The following KLHL1 variants were observed in gnomAD, a reference collection of about 807,000 sequenced individuals.
KLHL1 encodes kelch like family member 1.
A neutral mutation model predicts 77.7 loss-of-function variants in KLHL1; 47 were observed. The observed-to-expected ratio is 0.60, with a 90% confidence interval of 0.48 to 0.77. KLHL1 has a LOEUF of 0.77. Ranked by LOEUF, KLHL1 falls within the 30% of genes least tolerant of loss-of-function variation. The pLI is 0.00. For missense variants in KLHL1, 925 were observed against 910.8 expected (o/e 1.02, Z -0.20); for synonymous variants, 360 against 325.2 (o/e 1.11, Z -1.15).
intron 8 of KLHL1, among the ~76,000 whole-genome samples, chr13:69,729,555 CA>C (rs946045417): frequency 6.6e-6 from 1 of 151,698 alleles, no homozygotes; most frequent in African/African-American, 2.4e-5. Context: ...AAAAAACAAA[CA>C]AAAAAATGTA....
In KLHL1 at chr13:69,781,305, T is replaced by G. The variant is rs933996049; in HGVS notation, c.1639+15433A>C. ...TCTTTCTTTTTTTTTTTTTTTTTTT[T>G]GTCAAATATCAAGTTCATGAGAAGG... is the stretch of plus-strand genomic sequence containing the variant. On this transcript the variant is annotated intron_variant, in intron 7 of 10. Transcript: ENST00000377844. Among the ~76,000 whole-genome samples the G allele has an allele frequency of 2.8e-4, 33 of 119,794 alleles. No individual in the cohort carries two copies. The South Asian group carries it at 7.9e-3, about 29-fold the overall frequency. 78.6% of individuals were successfully genotyped at this position (119,794 alleles called of 152,430 possible). A position where few individuals can be genotyped will look rare whatever the true frequency, so the allele number is the denominator to read the frequency against.
chr13:69,745,167 T>C (rs992997566), intron 7 of KLHL1, among the ~76,000 whole-genome samples: 3 of 151,998 alleles, frequency 2.0e-5, no homozygotes, highest in Non-Finnish European at 4.4e-5. Context: ...TGAGTAATGG[T>C]ATCCCATCAT....
intron 5 of KLHL1, among the ~76,000 whole-genome samples, chr13:69,864,515 T>G (rs1880295041): frequency 6.6e-6 from 1 of 152,060 alleles, no homozygotes; most frequent in African/African-American, 2.4e-5. Context: ...TGCTGTGAAT[T>G]AAGTTGTGTT....
At chr13:69,904,083 T>G (rs1406872021) in intron 4 of KLHL1, among the ~76,000 whole-genome samples, 1 of 152,022 alleles carries the variant, frequency 6.6e-6, no homozygotes, top group Non-Finnish European at 1.5e-5. Context: ...ACCAGAGAGA[T>G]TTTCATTTTT....
intron 1 of KLHL1, among the ~76,000 whole-genome samples, chr13:70,014,147 T>C (rs2137342395): frequency 6.6e-6 from 1 of 152,200 alleles, no homozygotes; most frequent in Admixed American, 6.5e-5. Context: ...GGTACTTATG[T>C]GGAGTAACAA....
In KLHL1 at chr13:69,976,431, G is replaced by T. The variant is rs112806952; in HGVS notation, c.498-629C>A. 7.1e-3 allele frequency among the ~76,000 whole-genome samples: 1,078 copies of T among 151,902 alleles called. 16 individuals are homozygous for T. Among genetic ancestry groups the T allele is most frequent in the African/African-American group, 0.025 (1,041 of 41,458 alleles). On this transcript the variant is annotated intron_variant, in intron 1 of 10. Transcript: ENST00000377844. Reference sequence around the variant, plus strand: ...TATTTTAATAAACTTTATGATTTTGGAAAGTCCATGATACTTAAGTTTTGT... The same window carrying T: ...TATTTTAATAAACTTTATGATTTTGTAAAGTCCATGATACTTAAGTTTTGT...
intron 1 of KLHL1, among the ~76,000 whole-genome samples, chr13:70,037,933 A>C (rs1252527665): frequency 2.6e-5 from 4 of 152,070 alleles, no homozygotes; most frequent in African/African-American, 4.8e-5. Context: ...TATACATTTT[A>C]TATATTTGGT....
intron 8 of KLHL1, among the ~76,000 whole-genome samples, chr13:69,736,281 G>A (rs1444408946): frequency 6.6e-6 from 1 of 152,054 alleles, no homozygotes; most frequent in Non-Finnish European, 1.5e-5. Flanking sequence ...ACAAACATAT[G>A]AAAAAATTCT....
chr13:70,094,822 C>A (rs1197083052), intron 1 of KLHL1, among the ~76,000 whole-genome samples: 5 of 152,166 alleles, frequency 3.3e-5, no homozygotes, highest in Non-Finnish European at 5.9e-5. Context: ...TTCTAACTAC[C>A]TGTGTTTCCT....
chr13:70,050,333 A>G (rs1041697811), intron 1 of KLHL1, among the ~76,000 whole-genome samples: 2 of 151,890 alleles, frequency 1.3e-5, no homozygotes, highest in Non-Finnish European at 2.9e-5. Context: ...CTACCTTTGT[A>G]TTAAACATTT....
At chr13:70,052,843 G>A (rs1191404548) in intron 1 of KLHL1, among the ~76,000 whole-genome samples, 1 of 151,858 alleles carries the variant, frequency 6.6e-6, no homozygotes, top group South Asian at 2.1e-4. Flanking sequence ...AATATAAGAA[G>A]ATAAATTAGA....
intron 6 of KLHL1, among the ~76,000 whole-genome samples, chr13:69,838,357 G>A (rs1006398601): frequency 1.6e-4 from 25 of 151,642 alleles, no homozygotes; most frequent in African/African-American, 5.8e-4. Context: ...ACTTATTCAG[G>A]AAAATTAAGA....
At chr13:69,883,691 A>G (rs1006310062) in intron 4 of KLHL1, among the ~76,000 whole-genome samples, 8 of 152,252 alleles carry the variant, frequency 5.3e-5, no homozygotes, top group Non-Finnish European at 1.2e-4. Flanking sequence ...GAATACATGA[A>G]TTGATAATCT....
intron 8 of KLHL1, among the ~76,000 whole-genome samples, chr13:69,737,339 G>A (rs1185573046): frequency 1.3e-5 from 2 of 152,216 alleles, no homozygotes; most frequent in African/African-American, 4.8e-5. Flanking sequence ...ACTCCCATGA[G>A]GCAGGAGATC....
At chr13:69,792,685 A>G (rs1423736051) in intron 7 of KLHL1, among the ~76,000 whole-genome samples, 1 of 152,202 alleles carries the variant, frequency 6.6e-6, no homozygotes, top group African/African-American at 2.4e-5. Flanking sequence ...AAGCTTAATA[A>G]TGGAATATTG....
At chr13:70,057,411 C>A (rs1886767323) in intron 1 of KLHL1, among the ~76,000 whole-genome samples, 1 of 141,536 alleles carries the variant, frequency 7.1e-6, no homozygotes, top group South Asian at 2.4e-4. Context: ...GGAGGGAATA[C>A]TTCCAAACTC....
At position 70,107,599 on chromosome 13, in the gene KLHL1, C is replaced by T. The variant is rs768924039; in HGVS notation, c.101G>A (p.Gly34Glu). 7 of 1,596,992 alleles carry T rather than the reference C, an allele frequency of 4.4e-6. No individual in the cohort carries two copies. The Admixed American group carries it at 1.0e-4, about 24-fold the overall frequency. ...HPSPSTGGPAGGGCLQQDGSG... is the reference protein window; with the variant it reads ...HPSPSTGGPAEGGCLQQDGSG... ...GCCGTCCTGTTGCAGGCAGCCTCCC[C>T]CCGCCGGGCCGCCGGTGGAAGGAGA... is the stretch of plus-strand genomic sequence containing the variant. The change falls in exon 1 of 11, where the codon GGG becomes GAG. Residue 34 changes from glycine to glutamate, a missense_variant. Physicochemically the swap from Gly to Glu is moderately conservative, Grantham distance 98. Transcript: ENST00000377844.
At chr13:69,892,234 C>A (rs898986079) in intron 4 of KLHL1, among the ~76,000 whole-genome samples, 25 of 151,980 alleles carry the variant, frequency 1.6e-4, no homozygotes, top group African/African-American at 6.0e-4. Flanking sequence ...TTTATAAAAG[C>A]CATATGTTTT....
In KLHL1 at chr13:70,084,622, C is replaced by CTTTTTTTTTTTTTTTTTTTTTTTT. The variant is rs71116988; in HGVS notation, c.497+22557_497+22580dup. Among the ~76,000 whole-genome samples, 39 of 14,954 alleles carry CTTTTTTTTTTTTTTTTTTTTTTTT rather than the reference C, an allele frequency of 2.6e-3. 8 individuals are homozygous for CTTTTTTTTTTTTTTTTTTTTTTTT. The highest frequency in any genetic ancestry group is 3.0e-3 in the Non-Finnish European group (30 of 9,850). 9.8% of individuals were successfully genotyped at this position (14,954 alleles called of 152,430 possible). A position where few individuals can be genotyped will look rare whatever the true frequency, so the allele number is the denominator to read the frequency against. On this transcript the variant is annotated intron_variant, in intron 1 of 10. Transcript: ENST00000377844. ...TACAGGCACCTGCCACCACGCCAGG[C>CTTTTTTTTTTTTTTTTTTTTTTTT]TTTTTTTTTTTTTTTTTTTTTTTTT...
Sources: gnomAD v4.1 joint callset for allele counts (sites outside exome capture counted in the v4.1 genomes callset) on GRCh38, gnomAD v4.1.1 for gene constraint, MANE v1.5 for transcripts, NCBI Gene and HGNC (gene_info 2026-07-23, HGNC 2026-07-21) for gene names.